Variants in GABRP observed in about 807,000 individuals in gnomAD.
The protein encoded by GABRP is gamma-aminobutyric acid receptor subunit pi.
Under a neutral mutation model 47.8 loss-of-function variants are expected in GABRP, and 52 were observed. The observed-to-expected ratio is 1.09, with a 90% confidence interval of 0.87 to 1.37. The LOEUF (loss-of-function observed/expected upper bound fraction) is 1.37, where lower values mean the gene tolerates loss of function less well. Among genes scored for constraint, GABRP ranks in the 40% most tolerant of loss-of-function variants. The probability of loss-of-function intolerance (pLI) is 0.00; values close to 1 mark genes in which losing one functional copy is unlikely to be tolerated. For missense variants in GABRP, 525 were observed against 542.8 expected (o/e 0.97, Z 0.33); for synonymous variants, 221 against 205.8 (o/e 1.07, Z -0.63).
intron 6 of GABRP, 125 bp from the exon 7 acceptor site, chr5:170,805,591 T>C: frequency 1.9e-6 from 2 of 1,057,670 alleles, no homozygotes; most frequent in East Asian, 5.1e-5. Flanking sequence ...CTGCATGGGA[T>C]TGTCCTTGGA....
At chr5:170,809,782 G>A in intron 9 of GABRP, 27 bp downstream of exon 9, 6 of 1,562,794 alleles carry the variant, frequency 3.8e-6, no homozygotes, top group Non-Finnish European at 5.2e-6. Context: ...CCCTGTGTAT[G>A]ATCCATCACT....
At chr5:170,809,190 G>T (rs1452463275) in intron 8 of GABRP, among the ~76,000 whole-genome samples, 1 of 152,074 alleles carries the variant, frequency 6.6e-6, no homozygotes, top group Non-Finnish European at 1.5e-5. Flanking sequence ...GCCCACCTTG[G>T]CCTCCCAAAG....
rs377529241 is a variant in GABRP, at chr5:170,800,290, T to C, written c.541+2742T>C. Among the ~76,000 whole-genome samples, 906 of 152,334 alleles carry C rather than the reference T, an allele frequency of 5.9e-3. 9 individuals carry two copies. Among genetic ancestry groups the C allele is most frequent in the African/African-American group, 0.021 (868 of 41,568 alleles). ...GTGCTGGGAAAACTGGCTAGCCATA[T>C]GTAGAAAGCTGAAACTGGATCCCTT... On this transcript the variant is annotated intron_variant, in intron 6 of 9. Coordinates refer to ENST00000265294, the MANE Select transcript of GABRP (RefSeq NM_014211.3).
chr5:170,787,740 A>T (rs915761087), intron 1 of GABRP, among the ~76,000 whole-genome samples: 7 of 152,294 alleles, frequency 4.6e-5, no homozygotes, highest in African/African-American at 7.2e-5. Context: ...ACACAAGGCC[A>T]CTGTGAGGAT....
intron 7 of GABRP, among the ~76,000 whole-genome samples, chr5:170,807,641 C>A (rs1224604906): frequency 6.6e-6 from 1 of 152,130 alleles, no homozygotes; most frequent in Non-Finnish European, 1.5e-5. Context: ...CTTTTCAAAT[C>A]ACTAAAACTT....
chr5:170,794,374 T>G, intron 4 of GABRP, 76 bp downstream of exon 4: 4 of 213,252 alleles, frequency 1.9e-5, no homozygotes, highest in East Asian at 7.5e-5. Context: ...TTCTAGCCGC[T>G]CAAAAAAAAA....
intron 1 of GABRP, among the ~76,000 whole-genome samples, chr5:170,784,694 A>G (rs1221228470): frequency 6.6e-6 from 1 of 152,238 alleles, no homozygotes; most frequent in Non-Finnish European, 1.5e-5. Flanking sequence ...CATGGAAGAC[A>G]CGGAAGGCAG....
rs1048717394 is a variant in GABRP at position 170,789,379 on chromosome 5, G to A, written c.172+132G>A. On this transcript the variant is annotated intron_variant, in intron 3 of 9. Coordinates refer to ENST00000265294, the MANE Select transcript of GABRP (RefSeq NM_014211.3). ...AGCCTGTTAAGGATTGGCAATGATG[G>A]ATGAGGATGGCTACCAATGATTTTT... The A allele has an allele frequency of 3.6e-5, 22 of 613,704 alleles. No individual in the cohort carries two copies. In the Admixed American group the frequency reaches 6.6e-4, roughly 18 times the overall value. The allele number at this position is 613,704 out of a possible 1,614,324, so 38.0% of individuals were successfully genotyped here. A position where few individuals can be genotyped will look rare whatever the true frequency, so the allele number is the denominator to read the frequency against.
At chr5:170,786,278 G>A (rs1765129411) in intron 1 of GABRP, among the ~76,000 whole-genome samples, 3 of 152,192 alleles carry the variant, frequency 2.0e-5, no homozygotes, top group African/African-American at 4.8e-5. Context: ...AAGAGAATGT[G>A]AATATGATCG....
intron 3 of GABRP, among the ~76,000 whole-genome samples, chr5:170,793,796 G>T (rs1214022630): frequency 2.0e-5 from 3 of 152,146 alleles, no homozygotes; most frequent in Non-Finnish European, 4.4e-5. Flanking sequence ...GCCGGGCTTG[G>T]TGGCACATGC....
Position 170,813,556 on chromosome 5 carries a change from A to G in GABRP, c.*1298A>G, listed in dbSNP as rs1372461161. 1.3e-5 allele frequency: 2 copies of G among 152,232 alleles called. No individual in the cohort carries two copies. Among genetic ancestry groups the G allele is most frequent in the Admixed American group, 6.5e-5 (1 of 15,282 alleles). 9.4% of individuals were successfully genotyped at this position (152,232 alleles called of 1,614,324 possible). On this transcript the variant is annotated 3_prime_UTR_variant, in exon 10 of 10. Coordinates refer to ENST00000265294, the MANE Select transcript of GABRP (RefSeq NM_014211.3). ...TCTCCAAATCCAGCCAGAGATGCAC[A>G]TTCCTCGGCCAGTCTCAGCCAACAG...
intron 2 of GABRP, 115 bp downstream of exon 2, chr5:170,788,783 C>T: frequency 1.1e-6 from 1 of 950,680 alleles, no homozygotes; most frequent in Non-Finnish European, 1.7e-6. Flanking sequence ...CCGGTCCACT[C>T]ACTTCCCTGG....
intron 3 of GABRP, among the ~76,000 whole-genome samples, chr5:170,793,876 G>A (rs977038942): frequency 6.6e-6 from 1 of 152,072 alleles, no homozygotes; most frequent in African/African-American, 2.4e-5. Flanking sequence ...AGTTTGTGGC[G>A]AGCCGAGATC....
upstream of GABRP, among the ~76,000 whole-genome samples, chr5:170,783,288 C>T (rs1765051532): frequency 6.6e-6 from 1 of 152,156 alleles, no homozygotes; most frequent in Non-Finnish European, 1.5e-5. Context: ...CCCAAAGATG[C>T]TCTTAAAATA....
intron 9 of GABRP, among the ~76,000 whole-genome samples, chr5:170,810,892 G>A (rs554593290): frequency 6.6e-6 from 1 of 151,818 alleles, no homozygotes; most frequent in Non-Finnish European, 1.5e-5. Flanking sequence ...GCTCCCTTAG[G>A]CTTCCTTATG....
intron 6 of GABRP, among the ~76,000 whole-genome samples, chr5:170,804,999 TTA>T (rs1417800161): frequency 4.7e-5 from 5 of 105,900 alleles, no homozygotes; most frequent in Admixed American, 1.1e-4. Flanking sequence ...ATATTATATA[TTA>T]TATATATTAT....
intron 7 of GABRP, among the ~76,000 whole-genome samples, chr5:170,806,537 G>T (rs1765741784): frequency 6.6e-6 from 1 of 152,186 alleles, no homozygotes; most frequent in African/African-American, 2.4e-5. Flanking sequence ...TCGCCTCCCA[G>T]GTTCAAGCGA....
chr5:170,792,618 A>G (rs1765304992), intron 3 of GABRP, among the ~76,000 whole-genome samples: 1 of 152,164 alleles, frequency 6.6e-6, no homozygotes, highest in African/African-American at 2.4e-5. Context: ...AGGGGCAGAA[A>G]GCCACTTAGC....
chr5:170,810,086 T>C (rs6555921), intron 9 of GABRP: 273,821 of 609,778 alleles, frequency 0.45, 62,775 homozygotes, highest in African/African-American at 0.67. Flanking sequence ...TTGCAAGTTT[T>C]ATATTAATAT....
Sources: allele counts gnomAD v4.1 joint callset (sites outside exome capture counted in the v4.1 genomes callset), GRCh38; gene constraint gnomAD v4.1.1; transcripts MANE v1.5; gene names NCBI Gene and HGNC (gene_info 2026-07-23, HGNC 2026-07-21).